The following ATP8B4 variants were observed in gnomAD, a reference collection of about 807,000 sequenced individuals.
ATP8B4 encodes probable phospholipid-transporting ATPase IM.
Under a neutral mutation model 145.6 loss-of-function variants are expected in ATP8B4, and 133 were observed. That is an observed-to-expected ratio of 0.91 (90% CI 0.79 to 1.05). The LOEUF (loss-of-function observed/expected upper bound fraction) is 1.05, where lower values mean the gene tolerates loss of function less well. ATP8B4 is among the 50% of genes least tolerant of loss of function. The pLI is 0.00. For synonymous variants in ATP8B4, 507 were observed against 492.9 expected, an observed-to-expected ratio of 1.03 and a Z score of -0.38; for missense variants, 1,458 against 1,425.2, an observed-to-expected ratio of 1.02 and a Z score of -0.37.
intron 13 of ATP8B4, among the ~76,000 whole-genome samples, chr15:49,964,267 A>G (rs1335636476): frequency 2.6e-5 from 4 of 152,156 alleles, no homozygotes; most frequent in Admixed American, 6.5e-5. Flanking sequence ...TCTCAAATTC[A>G]CTGTGTTATG....
intron 8 of ATP8B4, among the ~76,000 whole-genome samples, chr15:49,999,000 CT>C (rs1375751076): frequency 1.4e-5 from 2 of 144,486 alleles, no homozygotes; most frequent in African/African-American, 5.1e-5. Flanking sequence ...ATAGGGAATC[CT>C]TTCCCCATTG....
chr15:49,879,232 A>G lies in ATP8B4; in HGVS notation c.2781+144T>C, dbSNP rs1316150678. ...GGTAAGGGAGGCACAGTGGACCTGG[A>G]AGCATGTGTGATCCATGCAAAAGCA... is the stretch of plus-strand genomic sequence containing the variant. On this transcript the variant is annotated intron_variant, in intron 24 of 27. Transcript: ENST00000284509. 4 of 689,576 alleles carry G rather than the reference A, an allele frequency of 5.8e-6. No homozygotes were observed. The African/African-American group carries it at 7.3e-5, about 13-fold the overall frequency. The allele number at this position is 689,576 out of a possible 1,614,324, so 42.7% of individuals were successfully genotyped here.
At chr15:49,940,347 G>C (rs28651845) in intron 14 of ATP8B4, among the ~76,000 whole-genome samples, 2 of 152,136 alleles carry the variant, frequency 1.3e-5, no homozygotes, top group African/African-American at 4.8e-5. Context: ...CTAAACATTG[G>C]GTACACATAG....
At chr15:49,973,535 T>C (rs1390130493) in intron 12 of ATP8B4, among the ~76,000 whole-genome samples, 1 of 152,196 alleles carries the variant, frequency 6.6e-6, no homozygotes, top group Admixed American at 6.5e-5. Context: ...AACCAAACCA[T>C]AACAAATACT....
At position 49,897,517 on chromosome 15, in the gene ATP8B4, T is replaced by G; in HGVS notation, c.2474-2A>C. ...TGATGCCAACACCAATGTGAGCACC[T>G]ACAAAGGAAAGAGGAACACTGTCAC... On this transcript the variant is annotated splice_acceptor_variant, in intron 22 of 27. Transcript: ENST00000284509. LOFTEE classifies it high-confidence loss of function. The G allele has an allele frequency of 6.6e-7, 1 of 1,523,412 alleles. No homozygotes were observed. The highest frequency in any genetic ancestry group is 8.8e-7 in the Non-Finnish European group (1 of 1,135,284). The allele number at this position is 1,523,412 out of a possible 1,614,324, so 94.4% of individuals were successfully genotyped here. A position where few individuals can be genotyped will look rare whatever the true frequency, so the allele number is the denominator to read the frequency against.
chr15:50,157,712 C>A (rs8036133), intron 1 of ATP8B4, among the ~76,000 whole-genome samples: 136,240 of 152,028 alleles, frequency 0.9, 61,360 homozygotes, highest in East Asian at 0.94. Context: ...TAGTATGGAC[C>A]CTTTAACATA....
At chr15:50,015,297 GT>G (rs2049007587) in intron 6 of ATP8B4, among the ~76,000 whole-genome samples, 1 of 152,138 alleles carries the variant, frequency 6.6e-6, no homozygotes, top group African/African-American at 2.4e-5. Context: ...TCCATTTTAC[GT>G]TCTTTTGTAC....
intron 1 of ATP8B4, among the ~76,000 whole-genome samples, chr15:50,172,600 G>A (rs1015391262): frequency 3.3e-5 from 5 of 151,900 alleles, no homozygotes; most frequent in Admixed American, 2.0e-4. Flanking sequence ...CTGCCTGGCC[G>A]CCCATCGTCT....
intron 16 of ATP8B4, among the ~76,000 whole-genome samples, chr15:49,925,962 T>G (rs1241537016): frequency 6.6e-6 from 1 of 152,200 alleles, no homozygotes; most frequent in Non-Finnish European, 1.5e-5. Context: ...GGACAAAGGT[T>G]ACAGTTTTTA....
At chr15:50,033,249 A>C (rs1408199313) in intron 6 of ATP8B4, among the ~76,000 whole-genome samples, 1 of 152,214 alleles carries the variant, frequency 6.6e-6, no homozygotes, top group Non-Finnish European at 1.5e-5. Flanking sequence ...ATGCCCAGGA[A>C]AGTATAAAGT....
chr15:50,061,117 A>G (rs2052984124), intron 3 of ATP8B4, among the ~76,000 whole-genome samples: 1 of 152,134 alleles, frequency 6.6e-6, no homozygotes, highest in Admixed American at 6.5e-5. Flanking sequence ...TAGAAGTACA[A>G]TGTGCCCTTT....
intron 16 of ATP8B4, among the ~76,000 whole-genome samples, chr15:49,924,769 A>G (rs2040563694): frequency 6.6e-6 from 1 of 152,178 alleles, no homozygotes; most frequent in Non-Finnish European, 1.5e-5. Context: ...CCTAATTGCC[A>G]GAACTCATGT....
At chr15:50,030,559 A>G (rs72734862) in intron 6 of ATP8B4, among the ~76,000 whole-genome samples, 341 of 152,320 alleles carry the variant, frequency 2.2e-3, no homozygotes, top group Middle Eastern at 0.02. Context: ...ACTTTGGTGA[A>G]GAAAAATGTT....
intron 5 of ATP8B4, among the ~76,000 whole-genome samples, chr15:50,039,069 C>T (rs893746227): frequency 4.6e-5 from 7 of 152,298 alleles, no homozygotes; most frequent in African/African-American, 1.7e-4. Context: ...ACTACTCTTC[C>T]AATCTCCACA....
chr15:50,112,745 A>AGTTCACTCCATAAAAGTGT (rs1463920126), intron 1 of ATP8B4, among the ~76,000 whole-genome samples: 7 of 152,076 alleles, frequency 4.6e-5, no homozygotes, highest in Non-Finnish European at 1.0e-4. Context: ...AGGTAAGAAC[A>AGTTCACTCCATAAAAGTGT]GTTCACTCCA....
chr15:50,099,845 C>T (rs973232266), intron 2 of ATP8B4, among the ~76,000 whole-genome samples: 9 of 151,822 alleles, frequency 5.9e-5, no homozygotes, highest in Non-Finnish European at 1.2e-4. Context: ...TCAAGACCAA[C>T]CTCAACATGG....
intron 3 of ATP8B4, among the ~76,000 whole-genome samples, chr15:50,069,404 G>T (rs1363108018): frequency 6.6e-6 from 1 of 152,156 alleles, no homozygotes; most frequent in African/African-American, 2.4e-5. Flanking sequence ...GGTTCTCGAG[G>T]TATTGAAGTA....
intron 2 of ATP8B4, among the ~76,000 whole-genome samples, chr15:50,093,606 A>G (rs900727467): frequency 1.3e-4 from 20 of 151,742 alleles, no homozygotes; most frequent in African/African-American, 4.9e-4. Flanking sequence ...TCAATGAATA[A>G]CAACAAATAT....
At chr15:49,902,639 A>G (rs894196904) in intron 20 of ATP8B4, among the ~76,000 whole-genome samples, 1 of 152,222 alleles carries the variant, frequency 6.6e-6, no homozygotes. Context: ...AGGGAGTTAC[A>G]AAGGGGAGAG....
Sources: allele counts gnomAD v4.1 joint callset (sites outside exome capture counted in the v4.1 genomes callset), GRCh38; gene constraint gnomAD v4.1.1; transcripts MANE v1.5; gene names NCBI Gene and HGNC (gene_info 2026-07-23, HGNC 2026-07-21).